Variants in RTN4 observed in about 807,000 individuals in gnomAD.
RTN4 encodes reticulon-4.
In RTN4, 32 loss-of-function variants were observed where a neutral mutation model predicts 90.4. The observed-to-expected ratio is 0.35, with a 90% confidence interval of 0.27 to 0.48. The LOEUF is 0.48. Ranked by LOEUF, RTN4 falls within the 20% of genes least tolerant of loss-of-function variation. The pLI is 0.99. For synonymous variants in RTN4, 629 were observed against 552.5 expected (o/e 1.14, Z -1.94); for missense variants, 1,706 against 1,430.2 (o/e 1.19, Z -3.11).
intron 1 of RTN4, among the ~76,000 whole-genome samples, chr2:55,029,731 G>A (rs529955216): frequency 2.6e-5 from 4 of 152,228 alleles, no homozygotes; most frequent in South Asian, 2.1e-4. Flanking sequence ...GGGTGATGAC[G>A]GGAAATTTAT....
At chr2:54,980,489 A>G (rs1678030473) in intron 5 of RTN4, among the ~76,000 whole-genome samples, 1 of 152,076 alleles carries the variant, frequency 6.6e-6, no homozygotes, top group Non-Finnish European at 1.5e-5. Flanking sequence ...AATTTTAAAA[A>G]TAGATTTATT....
At position 54,993,093 on chromosome 2, in the gene RTN4, A is replaced by G. The variant is rs1421107252; in HGVS notation, c.3014-5395T>C. On this transcript the variant is annotated intron_variant, in intron 3 of 8. Coordinates refer to ENST00000337526, the MANE Select transcript of RTN4 (RefSeq NM_020532.5). The stretch of plus-strand genomic sequence containing the variant: ...CATCTCGGAAAAAAAAAAAAAAAAA[A>G]GAAAAGAAATTAAACATATAACTAT... Among the ~76,000 whole-genome samples the G allele has an allele frequency of 2.0e-5, 3 of 150,844 alleles. No homozygotes were observed. In the East Asian group the frequency reaches 5.8e-4, roughly 29 times the overall value.
At chr2:55,051,998 C>T (rs1027673364), upstream of RTN4, among the ~76,000 whole-genome samples, 3 of 152,036 alleles carry the variant, frequency 2.0e-5, no homozygotes, top group Admixed American at 2.0e-4. Context: ...AAATTCTTAG[C>T]TCCAACTAAT....
At chr2:55,039,864 C>T (rs1052838620) in intron 1 of RTN4, among the ~76,000 whole-genome samples, 2 of 152,172 alleles carry the variant, frequency 1.3e-5, no homozygotes, top group Non-Finnish European at 2.9e-5. Flanking sequence ...CGTAGTTTTA[C>T]CCTCAACTCT....
rs1440395650 is a variant in RTN4 at position 55,046,973 on chromosome 2, GAC to G, written c.556+2770_556+2771del. 3 of 152,254 alleles carry G rather than the reference GAC, an allele frequency of 2.0e-5. No homozygotes were observed. The East Asian group carries it at 5.8e-4, about 29-fold the overall frequency. The allele number at this position is 152,254 out of a possible 1,614,324, so 9.4% of individuals were successfully genotyped here. ...ACCCCCTGAATCCCTAATGTTCAAA[GAC>G]AGAACTATTTTCTTTGTTCCCATAC... On this transcript the variant is annotated intron_variant, in intron 1 of 8. Transcript: ENST00000337526.
At chr2:54,997,218 A>G (rs1679499556) in intron 3 of RTN4, among the ~76,000 whole-genome samples, 1 of 152,226 alleles carries the variant, frequency 6.6e-6, no homozygotes, top group Admixed American at 6.5e-5. Flanking sequence ...ATTTCTCCAA[A>G]GAAGGTACAC....
chr2:55,050,365 C>A lies in RTN4; in HGVS notation c.-65G>T. On this transcript the variant is annotated 5_prime_UTR_variant, in exon 1 of 9. Transcript: ENST00000337526. The surrounding 1 kb of genome is among the most constrained non-coding windows in gnomAD (Gnocchi z 4.6). The stretch of plus-strand genomic sequence containing the variant: ...CCGCCGGGGCCGCGTCTCAGAGCCG[C>A]GGGCGGTTGTGGGGGTTGGGGAGGA... 1.7e-6 allele frequency: 2 copies of A among 1,155,606 alleles called. No homozygotes were observed. The highest frequency in any genetic ancestry group is 2.3e-6 in the Non-Finnish European group (2 of 876,376). 71.6% of individuals were successfully genotyped at this position (1,155,606 alleles called of 1,614,324 possible).
rs566722529 is a variant in RTN4 at position 55,028,191 on chromosome 2, A to T, written c.586T>A (p.Ser196Thr). The change falls in exon 2 of 9, where the codon TCT becomes ACT. Residue 196 changes from serine to threonine, a missense_variant. By Grantham distance (58) the Ser-to-Thr change is moderately conservative. Coordinates refer to ENST00000337526, the MANE Select transcript of RTN4 (RefSeq NM_020532.5). ...GCAGAGGAGCGTATCACAGGCTCAG[A>T]TGCAGCAGGAAGAGCAAAAAGGGTC... ...DETLFALPAA[S>T]EPVIRSSAEN... 2 of 1,613,178 alleles carry T rather than the reference A, an allele frequency of 1.2e-6. No individual in the cohort carries two copies. Among genetic ancestry groups the T allele is most frequent in the East Asian group, 4.5e-5 (2 of 44,852 alleles).
At chr2:55,089,858 C>T (rs1310329960) in intron 1 of RTN4, among the ~76,000 whole-genome samples, 1 of 152,138 alleles carries the variant, frequency 6.6e-6, no homozygotes, top group African/African-American at 2.4e-5. Context: ...AAAAGGTCCC[C>T]CTGGGACACC....
chr2:55,097,076 A>G (rs1183867069), intron 1 of RTN4, among the ~76,000 whole-genome samples: 1 of 151,806 alleles, frequency 6.6e-6, no homozygotes, highest in Non-Finnish European at 1.5e-5. Context: ...CAATAAAGAA[A>G]AAAGTTCACC....
chr2:55,135,664 C>T, the RTN4 span, among the ~76,000 whole-genome samples: 1 of 152,102 alleles, frequency 6.6e-6, no homozygotes, highest in African/African-American at 2.4e-5. Flanking sequence ...ACCATGAAGC[C>T]ATCATCACAA....
chr2:54,996,698 C>T lies in RTN4; in HGVS notation c.3014-9000G>A, dbSNP rs145047840. Among the ~76,000 whole-genome samples, 898 of 152,272 alleles carry T rather than the reference C, an allele frequency of 5.9e-3. 3 individuals carry two copies. Among genetic ancestry groups the T allele is most frequent in the African/African-American group, 0.017 (691 of 41,562 alleles). On this transcript the variant is annotated intron_variant, in intron 3 of 8. Coordinates refer to ENST00000337526, the MANE Select transcript of RTN4 (RefSeq NM_020532.5). ...CACATAAAAGTTAACTCATAACGGCCGAAAGACTCAAAGTTAAGAGCTTAA... is the reference window on the plus strand; with the variant it reads ...CACATAAAAGTTAACTCATAACGGCTGAAAGACTCAAAGTTAAGAGCTTAA...
At chr2:55,013,294 A>T (rs749506066) in intron 3 of RTN4, among the ~76,000 whole-genome samples, 4 of 152,084 alleles carry the variant, frequency 2.6e-5, no homozygotes, top group Non-Finnish European at 5.9e-5. Flanking sequence ...ATATTTGGCA[A>T]TTTCCCACTC....
At position 55,049,914 on chromosome 2, in the gene RTN4, C is replaced by T. The variant is rs534950702; in HGVS notation, c.387G>A (p.Ser129=). Residue 129 remains serine (S), a synonymous_variant, in exon 1 of 9, where the codon TCG becomes TCA. Transcript: ENST00000337526. Reference sequence around the variant, plus strand: ...CGTCGTCCTCAGGGAGCTTGGAGGGCGAGACTGCGGCAGCAGACAGCGGGG... The same window carrying T: ...CGTCGTCCTCAGGGAGCTTGGAGGGTGAGACTGCGGCAGCAGACAGCGGGG... The part of the protein sequence containing the change: ...APSPLSAAAV[S]PSKLPEDDEP... The T allele has an allele frequency of 3.7e-6, 5 of 1,333,842 alleles. No individual in the cohort carries two copies. Among genetic ancestry groups the T allele is most frequent in the South Asian group, 1.9e-5 (1 of 51,606 alleles). 82.6% of individuals were successfully genotyped at this position (1,333,842 alleles called of 1,614,324 possible). A position where few individuals can be genotyped will look rare whatever the true frequency, so the allele number is the denominator to read the frequency against.
At chr2:55,083,564 T>C (rs1341561338) in intron 1 of RTN4, among the ~76,000 whole-genome samples, 5 of 152,030 alleles carry the variant, frequency 3.3e-5, no homozygotes, top group African/African-American at 1.2e-4. Flanking sequence ...TTAAAACACA[T>C]ACACACACAC....
chr2:55,050,178 TTCC>T lies in RTN4; in HGVS notation c.120_122del (p.Glu43del), dbSNP rs1268269652. 1.6e-5 allele frequency: 25 copies of T among 1,569,148 alleles called. No individual in the cohort carries two copies. The East Asian group carries it at 2.2e-4, about 14-fold the overall frequency. On this transcript the variant is annotated inframe_deletion, in exon 1 of 9. Coordinates refer to ENST00000337526, the MANE Select transcript of RTN4 (RefSeq NM_020532.5). This position sits in a 1 kb window ranked among gnomAD's most constrained non-coding sequence, Gnocchi z 4.6. Reference sequence around the variant, plus strand: ...CCAGGTCTTCGTCCTCGTCCTCCTCTTCCTCCTCCTCTTCTTCCTCCTCGTCCT... The same window carrying T: ...CCAGGTCTTCGTCCTCGTCCTCCTCTTCCTCCTCTTCTTCCTCCTCGTCCT...
chr2:54,993,002 A>C (rs1679131989), intron 3 of RTN4, among the ~76,000 whole-genome samples: 2 of 146,590 alleles, frequency 1.4e-5, no homozygotes, highest in Admixed American at 6.9e-5. Context: ...TGAACCCGAG[A>C]GGCGGAGGTT....
chr2:54,988,919 A>C (rs1678789942), intron 3 of RTN4, among the ~76,000 whole-genome samples: 1 of 152,222 alleles, frequency 6.6e-6, no homozygotes, highest in East Asian at 1.9e-4. Flanking sequence ...AGTGCTCTTG[A>C]ATTCATAGGC....
Position 54,987,672 on chromosome 2 carries a change from T to G in RTN4, c.3040A>C (p.Ile1014Leu). ...SVVDLLYWRD[I>L]KKTGVVFGAS... Reference sequence around the variant, plus strand: ...CCAAACACCACTCCAGTCTTCTTAATGTCTCTCCAGTACAGGAGGTCAACA... The same window carrying G: ...CCAAACACCACTCCAGTCTTCTTAAGGTCTCTCCAGTACAGGAGGTCAACA... The change falls in exon 4 of 9, where the codon ATT becomes CTT. Residue 1014 changes from isoleucine to leucine, a missense_variant. By Grantham distance (5) the Ile-to-Leu change is conservative. Transcript: ENST00000337526. 6.2e-7 allele frequency: 1 copy of G among 1,614,080 alleles called. No individual in the cohort carries two copies. Among genetic ancestry groups the G allele is most frequent in the South Asian group, 1.1e-5 (1 of 91,078 alleles).
Sources: gnomAD v4.1 joint callset for allele counts (sites outside exome capture counted in the v4.1 genomes callset) on GRCh38, gnomAD v4.1.1 for gene constraint, Gnocchi (gnomAD v3.1) non-coding constraint, MANE v1.5 for transcripts, NCBI Gene and HGNC (gene_info 2026-07-23, HGNC 2026-07-21) for gene names.